The following NRG3 variants were observed in gnomAD, a reference collection of about 807,000 sequenced individuals.
NRG3 encodes neuregulin 3.
A neutral mutation model predicts 66.9 loss-of-function variants in NRG3; 31 were observed. The ratio of observed to expected loss-of-function variants is 0.46; its 90% confidence interval spans 0.35 to 0.63. The LOEUF is 0.63. Ranked by LOEUF, NRG3 falls within the 20% of genes least tolerant of loss-of-function variation. NRG3 has a pLI of 0.00. For synonymous variants in NRG3, 393 were observed against 359.4 expected, an observed-to-expected ratio of 1.09 and a Z score of -1.06; for missense variants, 910 against 878.9, an observed-to-expected ratio of 1.04 and a Z score of -0.45.
chr10:82,865,507 C>T (rs1374214979), intron 4 of NRG3, 70 bp downstream of exon 4: 3 of 1,425,398 alleles, frequency 2.1e-6, no homozygotes, highest in Middle Eastern at 1.8e-4. Flanking sequence ...TAGTGCTTTC[C>T]TTCTCCATCT....
intron 2 of NRG3, among the ~76,000 whole-genome samples, chr10:82,361,835 C>T (rs12260901): frequency 6.6e-6 from 1 of 151,666 alleles, no homozygotes; most frequent in Admixed American, 6.6e-5. Context: ...AAGGCTTATG[C>T]ATGACCCTGG....
At chr10:82,299,483 G>A (rs1424306187) in intron 1 of NRG3, among the ~76,000 whole-genome samples, 2 of 151,896 alleles carry the variant, frequency 1.3e-5, no homozygotes, top group African/African-American at 2.4e-5. Flanking sequence ...CAAAATCCAC[G>A]AGCCATAGCG....
chr10:82,081,398 G>A (rs1380718518), intron 1 of NRG3, among the ~76,000 whole-genome samples: 2 of 151,952 alleles, frequency 1.3e-5, no homozygotes, highest in East Asian at 3.9e-4. Flanking sequence ...TACAGGGAAT[G>A]TTTTCCACTT....
At chr10:82,409,576 A>G (rs1236417945) in intron 2 of NRG3, among the ~76,000 whole-genome samples, 1 of 152,142 alleles carries the variant, frequency 6.6e-6, no homozygotes, top group East Asian at 1.9e-4. Context: ...CTGGATGCTG[A>G]GTGGTCTGGA....
intron 2 of NRG3, among the ~76,000 whole-genome samples, chr10:82,690,533 T>C (rs1443490254): frequency 6.6e-6 from 1 of 152,136 alleles, no homozygotes; most frequent in Non-Finnish European, 1.5e-5. Flanking sequence ...AAAATATCAA[T>C]TATATATTAT....
intron 3 of NRG3, among the ~76,000 whole-genome samples, chr10:82,788,127 G>A (rs1035848085): frequency 1.3e-5 from 2 of 152,114 alleles, no homozygotes; most frequent in Non-Finnish European, 2.9e-5. Context: ...TTGAAATTAG[G>A]GAATCTAGCA....
At chr10:82,590,149 T>G (rs2046897700) in intron 2 of NRG3, among the ~76,000 whole-genome samples, 1 of 152,210 alleles carries the variant, frequency 6.6e-6, no homozygotes, top group African/African-American at 2.4e-5. Flanking sequence ...TTTGCCAGTC[T>G]GTGAAGGAAA....
At chr10:82,102,003 G>GTATATA (rs142461785) in intron 1 of NRG3, among the ~76,000 whole-genome samples, 27 of 129,234 alleles carry the variant, frequency 2.1e-4, no homozygotes, top group East Asian at 1.8e-3. Flanking sequence ...ATATGTGTGC[G>GTATATA]TATATATATA....
At chr10:82,264,389 C>T (rs112340014) in intron 1 of NRG3, among the ~76,000 whole-genome samples, 3 of 152,036 alleles carry the variant, frequency 2.0e-5, no homozygotes, top group Non-Finnish European at 2.9e-5. Flanking sequence ...TGAGAACAGC[C>T]CGGGGGAAAC....
At chr10:82,156,660 T>C (rs2071210599) in intron 1 of NRG3, among the ~76,000 whole-genome samples, 1 of 151,708 alleles carries the variant, frequency 6.6e-6, no homozygotes, top group Non-Finnish European at 1.5e-5. Flanking sequence ...AATTTATCCT[T>C]CATCAGATTT....
At chr10:82,374,618 C>T (rs2085092558) in intron 2 of NRG3, among the ~76,000 whole-genome samples, 1 of 152,108 alleles carries the variant, frequency 6.6e-6, no homozygotes, top group African/African-American at 2.4e-5. Context: ...GATTACGGTA[C>T]AGTGGTAGGT....
chr10:82,891,180 T>G (rs1177360569), intron 4 of NRG3, among the ~76,000 whole-genome samples: 2 of 151,582 alleles, frequency 1.3e-5, no homozygotes, highest in African/African-American at 4.8e-5. Context: ...ATGAACTTGA[T>G]TTTTATGAAG....
intron 3 of NRG3, among the ~76,000 whole-genome samples, chr10:82,765,546 T>A (rs1245554046): frequency 6.6e-6 from 1 of 152,140 alleles, no homozygotes; most frequent in Non-Finnish European, 1.5e-5. Context: ...ATTCATTAAA[T>A]TAACACTATT....
intron 1 of NRG3, among the ~76,000 whole-genome samples, chr10:82,185,605 A>G (rs530245626): frequency 2.6e-5 from 4 of 152,330 alleles, no homozygotes; most frequent in African/African-American, 9.6e-5. Flanking sequence ...ATAAACATCT[A>G]TTCATACACA....
chr10:82,887,862 G>A (rs1354356224), intron 4 of NRG3, among the ~76,000 whole-genome samples: 1 of 152,204 alleles, frequency 6.6e-6, no homozygotes, highest in Non-Finnish European at 1.5e-5. Flanking sequence ...TAAAGTAATT[G>A]CAAGTTATAT....
chr10:82,515,432 G>A (rs1047019368), intron 2 of NRG3, among the ~76,000 whole-genome samples: 6 of 152,128 alleles, frequency 3.9e-5, no homozygotes, highest in Admixed American at 6.6e-5. Flanking sequence ...TAAGAAATGT[G>A]TGTGTTTGGC....
At chr10:82,263,220 T>C (rs982071019) in intron 1 of NRG3, among the ~76,000 whole-genome samples, 2 of 151,964 alleles carry the variant, frequency 1.3e-5, no homozygotes, top group Non-Finnish European at 2.9e-5. Context: ...TGTGGATGGC[T>C]GAGGGAAGAA....
chr10:82,467,355 C>A (rs1332068367), intron 2 of NRG3, among the ~76,000 whole-genome samples: 1 of 152,212 alleles, frequency 6.6e-6, no homozygotes, highest in Non-Finnish European at 1.5e-5. Flanking sequence ...CAATACACTT[C>A]TGTTCCTCAT....
chr10:81,977,663 A>C (rs1053046801), intron 1 of NRG3, among the ~76,000 whole-genome samples: 1 of 152,150 alleles, frequency 6.6e-6, no homozygotes. Flanking sequence ...GGTACCATAT[A>C]ATCTATTTTC....
Sources: allele counts gnomAD v4.1 joint callset (sites outside exome capture counted in the v4.1 genomes callset), GRCh38; gene constraint gnomAD v4.1.1; transcripts MANE v1.5; gene names NCBI Gene and HGNC (gene_info 2026-07-23, HGNC 2026-07-21).